Variants in FGF12 observed in about 807,000 individuals in gnomAD.
FGF12 encodes the protein fibroblast growth factor 12.
FGF12 carries 14 observed loss-of-function variants against 23.6 expected under a neutral mutation model. The observed-to-expected ratio is 0.59, with a 90% CI of 0.39 to 0.93. FGF12 has a LOEUF of 0.93. FGF12 is among the 40% of genes least tolerant of loss of function. The probability of loss-of-function intolerance (pLI) is 0.00; values close to 1 mark genes in which losing one functional copy is unlikely to be tolerated. For missense variants in FGF12, 175 were observed against 217.8 expected, an observed-to-expected ratio of 0.80 and a Z score of 1.24; for synonymous variants, 62 against 77.3, an observed-to-expected ratio of 0.80 and a Z score of 1.04.
chr3:192,388,531 AT>A (rs1304254327), intron 2 of FGF12, among the ~76,000 whole-genome samples: 1 of 152,170 alleles, frequency 6.6e-6, no homozygotes, highest in Non-Finnish European at 1.5e-5. Context: ...ACAATTAGAA[AT>A]CATATATGTA....
intron 4 of FGF12, among the ~76,000 whole-genome samples, chr3:192,254,409 T>C (rs1328577982): frequency 1.3e-5 from 2 of 151,926 alleles, no homozygotes; most frequent in African/African-American, 4.8e-5. Context: ...ATTTTCTGTT[T>C]CTATTCATGT....
At chr3:192,512,835 A>AATAAATATATATATATATATATATATAT (rs35779279) in intron 2 of FGF12, among the ~76,000 whole-genome samples, 7 of 76,754 alleles carry the variant, frequency 9.1e-5, no homozygotes, top group South Asian at 4.6e-4. Context: ...TACTCAAATA[A>AATAAATATATATATATATATATATATAT]ATATATATAT....
intron 4 of FGF12, among the ~76,000 whole-genome samples, chr3:192,321,799 G>A (rs994364502): frequency 1.4e-4 from 21 of 152,108 alleles, no homozygotes; most frequent in East Asian, 9.7e-4. Context: ...AAAATGATGG[G>A]TATAGAAGGA....
intron 2 of FGF12, among the ~76,000 whole-genome samples, chr3:192,675,378 A>C (rs185367268): frequency 6.6e-6 from 1 of 152,294 alleles, no homozygotes; most frequent in Admixed American, 6.5e-5. Flanking sequence ...TAGTGACATA[A>C]ATGATAAAAC....
Position 192,302,010 on chromosome 3 carries a change from T to C in FGF12, c.228+33351A>G, listed in dbSNP as rs1715376861. On this transcript the variant is annotated intron_variant, in intron 4 of 5. Transcript: ENST00000445105. ...ATGATGAAGAGAATAAGAGAAACCC[T>C]ATTTCATTTTAATATTTACCAAGAA... Among the ~76,000 whole-genome samples the C allele has an allele frequency of 3.3e-5, 5 of 152,320 alleles. No individual in the cohort carries two copies. The South Asian group carries it at 1.0e-3, about 32-fold the overall frequency.
At chr3:192,341,805 C>T (rs1218733110) in intron 3 of FGF12, among the ~76,000 whole-genome samples, 1 of 149,334 alleles carries the variant, frequency 6.7e-6, no homozygotes, top group Non-Finnish European at 1.5e-5. Context: ...CAGTATTTGA[C>T]TACTTAAAAT....
At chr3:192,264,838 C>T in intron 4 of FGF12, among the ~76,000 whole-genome samples, 1 of 152,058 alleles carries the variant, frequency 6.6e-6, no homozygotes, top group Non-Finnish European at 1.5e-5. Flanking sequence ...GTCTAGTGAA[C>T]CTTAAAACGT....
At chr3:192,429,495 T>G (rs1438804997) in intron 2 of FGF12, among the ~76,000 whole-genome samples, 1 of 152,214 alleles carries the variant, frequency 6.6e-6, no homozygotes, top group Non-Finnish European at 1.5e-5. Context: ...CATAAAGTAT[T>G]GATAGTCATA....
intron 3 of FGF12, among the ~76,000 whole-genome samples, chr3:192,357,928 G>A (rs993767721): frequency 1.3e-5 from 2 of 152,014 alleles, no homozygotes; most frequent in African/African-American, 4.8e-5. Context: ...TAGAAACAAT[G>A]ATTATACACA....
At chr3:192,281,652 T>C (rs1522269) in intron 4 of FGF12, among the ~76,000 whole-genome samples, 56,291 of 151,822 alleles carry the variant, frequency 0.37, 11,485 homozygotes, top group East Asian at 0.9. Flanking sequence ...TGACCTCAGC[T>C]TGGGCACTTA....
intron 2 of FGF12, among the ~76,000 whole-genome samples, chr3:192,381,653 G>A (rs1200947736): frequency 6.6e-6 from 1 of 152,146 alleles, no homozygotes; most frequent in East Asian, 1.9e-4. Context: ...GAAGATGAGT[G>A]TAAAGAAAAA....
intron 4 of FGF12, among the ~76,000 whole-genome samples, chr3:192,219,723 A>G (rs1158772916): frequency 6.6e-6 from 1 of 152,196 alleles, no homozygotes; most frequent in Non-Finnish European, 1.5e-5. Context: ...TCTGTGTTTG[A>G]ACAAGTGTTC....
intron 2 of FGF12, among the ~76,000 whole-genome samples, chr3:192,601,570 T>C (rs765346796): frequency 2.6e-5 from 4 of 151,960 alleles, no homozygotes; most frequent in Non-Finnish European, 5.9e-5. Flanking sequence ...TTATTATAGG[T>C]CAGCTTAGAA....
chr3:192,256,663 C>T (rs1211499751), intron 4 of FGF12, among the ~76,000 whole-genome samples: 1 of 151,980 alleles, frequency 6.6e-6, no homozygotes, highest in Non-Finnish European at 1.5e-5. Context: ...TTTAATTAGA[C>T]TGAAATGAAA....
chr3:192,552,250 G>A (rs1323787842), intron 2 of FGF12, among the ~76,000 whole-genome samples: 1 of 151,972 alleles, frequency 6.6e-6, no homozygotes, highest in Non-Finnish European at 1.5e-5. Context: ...AAATGATTGA[G>A]AAGAACAAGC....
chr3:192,319,816 C>T (rs77878070), intron 4 of FGF12, among the ~76,000 whole-genome samples: 2,400 of 151,874 alleles, frequency 0.016, 61 homozygotes, highest in African/African-American at 0.054. Flanking sequence ...GCAAGTCTCA[C>T]GGTAACCTCA....
At chr3:192,555,812 A>AG (rs1711746781) in intron 2 of FGF12, among the ~76,000 whole-genome samples, 1 of 152,014 alleles carries the variant, frequency 6.6e-6, no homozygotes, top group Admixed American at 6.6e-5. Context: ...GAAAAAAAAA[A>AG]AAGATGTAAT....
chr3:192,696,971 A>G lies in FGF12; in HGVS notation c.13+30210T>C, dbSNP rs1718145277. ...TAATAAAAACAGGTGCTTTCTATTT[A>G]GTACAGCATTTCCTAGGATTGTTTG... is the stretch of plus-strand genomic sequence containing the variant. On this transcript the variant is annotated intron_variant, in intron 2 of 5. Transcript: ENST00000445105. Among the ~76,000 whole-genome samples, 3 of 152,214 alleles carry G rather than the reference A, an allele frequency of 2.0e-5. 1 individual carries two copies. In the South Asian group the frequency reaches 6.2e-4, roughly 32 times the overall value.
chr3:192,484,315 T>TA (rs57914760), intron 2 of FGF12, among the ~76,000 whole-genome samples: 1,035 of 99,592 alleles, frequency 0.01, 5 homozygotes, highest in Non-Finnish European at 0.015. Context: ...TCCATTTTCC[T>TA]AAAAAAAAAA....
Sources: allele counts gnomAD v4.1 joint callset (sites outside exome capture counted in the v4.1 genomes callset), GRCh38; gene constraint gnomAD v4.1.1; transcripts MANE v1.5; gene names NCBI Gene and HGNC (gene_info 2026-07-23, HGNC 2026-07-21).